Variants in DACH1 observed in about 807,000 individuals in gnomAD.
The protein encoded by DACH1 is dachshund homolog 1.
In DACH1, 12 loss-of-function variants were observed where a neutral mutation model predicts 54.2. That is an observed-to-expected ratio of 0.22 (90% CI 0.14 to 0.36). The LOEUF is 0.36. DACH1 is among the 10% of genes least tolerant of loss of function. The probability of loss-of-function intolerance (pLI) is 1.00; values close to 1 mark genes in which losing one functional copy is unlikely to be tolerated. For synonymous variants in DACH1, 386 were observed against 366.2 expected (o/e 1.05, Z -0.62); for missense variants, 805 against 929.8 (o/e 0.87, Z 1.75).
intron 1 of DACH1, among the ~76,000 whole-genome samples, chr13:71,695,930 T>A (rs1264533688): frequency 6.6e-6 from 1 of 152,334 alleles, no homozygotes; most frequent in Admixed American, 6.5e-5. Flanking sequence ...GGGCCATGTG[T>A]GATCTACTAT....
intron 3 of DACH1, among the ~76,000 whole-genome samples, chr13:71,621,945 A>T (rs1194764988): frequency 6.6e-6 from 1 of 151,986 alleles, no homozygotes; most frequent in African/African-American, 2.4e-5. Context: ...TTCCATTATG[A>T]CCTGCTGTTA....
intron 6 of DACH1, among the ~76,000 whole-genome samples, chr13:71,543,731 T>C (rs1220658175): frequency 1.3e-5 from 2 of 152,110 alleles, no homozygotes; most frequent in African/African-American, 4.8e-5. Flanking sequence ...GCACCATTCA[T>C]CTCCAAAAAA....
chr13:71,757,592 T>C (rs540748969), intron 1 of DACH1, among the ~76,000 whole-genome samples: 1 of 151,648 alleles, frequency 6.6e-6, no homozygotes, highest in South Asian at 2.1e-4. Flanking sequence ...GGTGCAATCT[T>C]GGCTCACTGT....
chr13:71,479,251 A>C lies in DACH1; in HGVS notation c.1788T>G (p.Thr596=). 6.2e-7 allele frequency: 1 copy of C among 1,613,750 alleles called. No individual in the cohort carries two copies. ...AQEKQVQLEK[T]ELKMDFLRER... ...CCCTTAAAAAATCCATCTTCAGCTC[A>C]GTTTTTTCCAGTTGGACCTGTTTCT... Residue 596 remains threonine (T), a synonymous_variant, in exon 8 of 11, where the codon ACT becomes ACG. Transcript: ENST00000613252.
intron 1 of DACH1, among the ~76,000 whole-genome samples, chr13:71,763,146 A>G (rs1357189124): frequency 6.6e-6 from 1 of 152,244 alleles, no homozygotes; most frequent in East Asian, 1.9e-4. Flanking sequence ...ATTTTAACAT[A>G]TATTAACTCA....
intron 4 of DACH1, among the ~76,000 whole-genome samples, chr13:71,570,300 A>T (rs926664772): frequency 6.6e-6 from 1 of 152,106 alleles, no homozygotes; most frequent in East Asian, 1.9e-4. Context: ...GCCTTTCTTA[A>T]AATGTGTTTA....
Position 71,729,572 on chromosome 13 carries a change from A to T in DACH1, c.849-47662T>A, listed in dbSNP as rs1948487917. ...GCTAGCATACTGCTATGTATGTTAC[A>T]TCCCTTAATACTGTTAAATGTTAGT... On this transcript the variant is annotated intron_variant, in intron 1 of 10. Transcript: ENST00000613252. Among the ~76,000 whole-genome samples, 3 of 152,116 alleles carry T rather than the reference A, an allele frequency of 2.0e-5. 1 individual carries two copies. In the South Asian group the frequency reaches 6.2e-4, roughly 31 times the overall value.
intron 1 of DACH1, among the ~76,000 whole-genome samples, chr13:71,794,077 G>A (rs946633734): frequency 6.6e-6 from 1 of 151,890 alleles, no homozygotes; most frequent in African/African-American, 2.4e-5. Context: ...AAAAAAAAAG[G>A]TATAAAGTAG....
At chr13:71,455,781 A>C (rs1375078002) in intron 10 of DACH1, among the ~76,000 whole-genome samples, 1 of 152,132 alleles carries the variant, frequency 6.6e-6, no homozygotes, top group African/African-American at 2.4e-5. Flanking sequence ...TGTTCCTGAG[A>C]ACTTTTGATT....
intron 6 of DACH1, among the ~76,000 whole-genome samples, chr13:71,556,775 T>C (rs1884279059): frequency 6.8e-6 from 1 of 147,586 alleles, no homozygotes; most frequent in Non-Finnish European, 1.5e-5. Flanking sequence ...CAATTGGGAC[T>C]TTTTTTTTTA....
intron 6 of DACH1, among the ~76,000 whole-genome samples, chr13:71,529,155 T>A (rs187336261): frequency 3.3e-5 from 5 of 150,484 alleles, no homozygotes; most frequent in South Asian, 2.1e-4. Flanking sequence ...TGATTTCACA[T>A]AGTACATCAA....
intron 10 of DACH1, among the ~76,000 whole-genome samples, chr13:71,446,076 T>G (rs1874431737): frequency 6.6e-6 from 1 of 152,146 alleles, no homozygotes; most frequent in Admixed American, 6.5e-5. Context: ...AAAGAGAGAT[T>G]ATTGGAATCC....
chr13:71,861,475 T>C (rs930152521), intron 1 of DACH1, among the ~76,000 whole-genome samples: 1 of 152,054 alleles, frequency 6.6e-6, no homozygotes, highest in Non-Finnish European at 1.5e-5. Flanking sequence ...ATAATTTGAC[T>C]GAACAAAGTA....
intron 1 of DACH1, among the ~76,000 whole-genome samples, chr13:71,766,982 C>G (rs1458997573): frequency 6.6e-6 from 1 of 151,982 alleles, no homozygotes; most frequent in African/African-American, 2.4e-5. Flanking sequence ...GTCTTGTTTT[C>G]CTAGTTAACA....
chr13:71,821,130 C>T (rs1275466775), intron 1 of DACH1, among the ~76,000 whole-genome samples: 2 of 152,138 alleles, frequency 1.3e-5, no homozygotes, highest in African/African-American at 2.4e-5. Context: ...GAATGATAGC[C>T]GCATTCAACA....
Position 71,557,113 on chromosome 13 carries a change from A to G in DACH1, c.1481T>C (p.Leu494Ser). The G allele has an allele frequency of 6.2e-7, 1 of 1,612,518 alleles. No homozygotes were observed. Among genetic ancestry groups the G allele is most frequent in the Non-Finnish European group, 8.5e-7 (1 of 1,179,250 alleles). ...GGGCCCAGGAAGTACATTTGGTGAT[A>G]AGCCCATCAGCATCTGGTTCATGGA... ...GLSMNQMLMGLSPNVLPGPKE... is the reference protein window; with the variant it reads ...GLSMNQMLMGSSPNVLPGPKE... The change falls in exon 6 of 11, where the codon TTA becomes TCA. Residue 494 changes from leucine (L) to serine (S), a missense_variant. Physicochemically the swap from Leu to Ser is moderately radical, Grantham distance 145. Transcript: ENST00000613252.
intron 1 of DACH1, among the ~76,000 whole-genome samples, chr13:71,851,530 T>A (rs1343456817): frequency 6.6e-6 from 1 of 152,144 alleles, no homozygotes; most frequent in African/African-American, 2.4e-5. Flanking sequence ...GTAAATAGAA[T>A]AAGACACTCC....
intron 2 of DACH1, chr13:71,675,143 G>T (rs886099126): frequency 3.8e-6 from 6 of 1,578,154 alleles, no homozygotes; most frequent in East Asian, 2.2e-5. Flanking sequence ...AAAGCCGCTC[G>T]CAAGAGTGCG....
rs114525225 is a variant in DACH1, at chr13:71,475,610, A to C, written c.2014+96T>G. The C allele has an allele frequency of 4.2e-4, 576 of 1,376,916 alleles. 5 individuals are homozygous for C. The African/African-American group carries it at 7.9e-3, about 19-fold the overall frequency. The allele number at this position is 1,376,916 out of a possible 1,614,324, so 85.3% of individuals were successfully genotyped here. A position where few individuals can be genotyped will look rare whatever the true frequency, so the allele number is the denominator to read the frequency against. On this transcript the variant is annotated intron_variant, in intron 9 of 10. Transcript: ENST00000613252. ...TTCAAGTATAGCTGAATGAATCACA[A>C]GATATAGAAACATACAAAACTACAA... is the stretch of plus-strand genomic sequence containing the variant.
Sources: gnomAD v4.1 joint callset for allele counts (sites outside exome capture counted in the v4.1 genomes callset) on GRCh38, gnomAD v4.1.1 for gene constraint, MANE v1.5 for transcripts, NCBI Gene and HGNC (gene_info 2026-07-23, HGNC 2026-07-21) for gene names.